Variants in ARHGAP15 observed in about 807,000 individuals in gnomAD.
ARHGAP15 encodes the protein rho GTPase-activating protein 15.
A neutral mutation model predicts 63.7 loss-of-function variants in ARHGAP15; 51 were observed. The observed-to-expected ratio is 0.80, with a 90% CI of 0.64 to 1.01. The LOEUF is 1.01. ARHGAP15 is among the 50% of genes least tolerant of loss of function. ARHGAP15 has a pLI of 0.00. For missense variants in ARHGAP15, 560 were observed against 564.6 expected (o/e 0.99, Z 0.08); for synonymous variants, 191 against 193.8 (o/e 0.99, Z 0.12).
intron 8 of ARHGAP15, among the ~76,000 whole-genome samples, chr2:143,449,314 T>C (rs1321531290): frequency 6.6e-6 from 1 of 152,124 alleles, no homozygotes; most frequent in East Asian, 1.9e-4. Flanking sequence ...ATTAATTCCC[T>C]GGATAGCTCA....
At chr2:143,382,321 C>T (rs1046275829) in intron 6 of ARHGAP15, among the ~76,000 whole-genome samples, 9 of 152,176 alleles carry the variant, frequency 5.9e-5, no homozygotes, top group Non-Finnish European at 7.3e-5. Context: ...CACGCTCCCA[C>T]TGAAACCTGG....
At position 143,262,535 on chromosome 2, in the gene ARHGAP15, A is replaced by ATTTTTTTTTTTTTTT. The variant is rs67267617; in HGVS notation, c.474+11945_474+11959dup. Among the ~76,000 whole-genome samples, 45 of 90,918 alleles carry ATTTTTTTTTTTTTTT rather than the reference A, an allele frequency of 4.9e-4. 1 individual carries two copies. The highest frequency in any genetic ancestry group is 1.3e-3 in the African/African-American group (28 of 21,336). 59.6% of individuals were successfully genotyped at this position (90,918 alleles called of 152,430 possible). On this transcript the variant is annotated intron_variant, in intron 6 of 13. Coordinates refer to ENST00000295095, the MANE Select transcript of ARHGAP15 (RefSeq NM_018460.4). ...TGTATATGCGGGGTCTGAACCTTTG[A>ATTTTTTTTTTTTTTT]TTTTTTTTTTTTTTTTTTTTTTTTA... is the stretch of plus-strand genomic sequence containing the variant.
intron 12 of ARHGAP15, among the ~76,000 whole-genome samples, chr2:143,633,951 G>T (rs1322428310): frequency 1.3e-5 from 2 of 152,028 alleles, no homozygotes; most frequent in Non-Finnish European, 2.9e-5. Flanking sequence ...TAGGAGAATG[G>T]TCTCTCCTAT....
intron 11 of ARHGAP15, among the ~76,000 whole-genome samples, chr2:143,577,739 A>T (rs963898602): frequency 6.6e-5 from 10 of 152,146 alleles, no homozygotes; most frequent in Non-Finnish European, 1.3e-4. Flanking sequence ...GTGGCTAAGG[A>T]AATAGAATGG....
At chr2:143,497,722 C>T (rs1027257831) in intron 9 of ARHGAP15, among the ~76,000 whole-genome samples, 6 of 152,146 alleles carry the variant, frequency 3.9e-5, no homozygotes, top group Admixed American at 3.9e-4. Context: ...AGGTGGATAA[C>T]TGAGGGAGAA....
At chr2:143,376,123 T>G (rs1040141487) in intron 6 of ARHGAP15, among the ~76,000 whole-genome samples, 1 of 152,196 alleles carries the variant, frequency 6.6e-6, no homozygotes, top group African/African-American at 2.4e-5. Flanking sequence ...TTCTCAACAT[T>G]ACAGATATAT....
intron 11 of ARHGAP15, among the ~76,000 whole-genome samples, chr2:143,561,819 T>C (rs1696042030): frequency 6.6e-6 from 1 of 152,172 alleles, no homozygotes; most frequent in African/African-American, 2.4e-5. Flanking sequence ...TTTTCATTTA[T>C]AGAAACAAAA....
intron 2 of ARHGAP15, among the ~76,000 whole-genome samples, chr2:143,171,473 A>G (rs1558791806): frequency 6.6e-6 from 1 of 152,114 alleles, no homozygotes; most frequent in Admixed American, 6.6e-5. Flanking sequence ...AGTAACCACA[A>G]TTATATTGCT....
At chr2:143,544,867 A>T (rs556092148) in intron 10 of ARHGAP15, among the ~76,000 whole-genome samples, 10 of 152,334 alleles carry the variant, frequency 6.6e-5, no homozygotes, top group African/African-American at 2.2e-4. Context: ...AGTATTAGTA[A>T]TATCCACTAC....
intron 1 of ARHGAP15, among the ~76,000 whole-genome samples, chr2:143,132,698 G>A (rs1688959083): frequency 2.0e-5 from 3 of 152,202 alleles, no homozygotes; most frequent in Admixed American, 2.0e-4. Flanking sequence ...GTCTCCTGAT[G>A]TAGAAATTAA....
At chr2:143,750,519 G>C (rs1249380749) in intron 13 of ARHGAP15, among the ~76,000 whole-genome samples, 1 of 152,180 alleles carries the variant, frequency 6.6e-6, no homozygotes, top group East Asian at 1.9e-4. Flanking sequence ...AACAACCTAT[G>C]AGATCAGTTT....
chr2:143,712,799 G>C (rs1684638718), intron 13 of ARHGAP15, among the ~76,000 whole-genome samples: 1 of 81,602 alleles, frequency 1.2e-5, no homozygotes, highest in African/African-American at 4.6e-5. Context: ...TCACCCTTCA[G>C]CTTTAAAAAA....
At position 143,373,965 on chromosome 2, in the gene ARHGAP15, A is replaced by G. The variant is rs546074635; in HGVS notation, c.475-61636A>G. Reference sequence around the variant, plus strand: ...GTGGACCTAGCAAACCTGCAAAACCATTTTCCTGAGGCTAAACTGTTTTCA... The same window carrying G: ...GTGGACCTAGCAAACCTGCAAAACCGTTTTCCTGAGGCTAAACTGTTTTCA... On this transcript the variant is annotated intron_variant, in intron 6 of 13. Coordinates refer to ENST00000295095, the MANE Select transcript of ARHGAP15 (RefSeq NM_018460.4). Among the ~76,000 whole-genome samples the G allele has an allele frequency of 2.0e-5, 3 of 152,282 alleles. No homozygotes were observed. In the South Asian group the frequency reaches 6.2e-4, roughly 32 times the overall value.
At chr2:143,713,368 A>G (rs1303868752) in intron 13 of ARHGAP15, among the ~76,000 whole-genome samples, 2 of 152,156 alleles carry the variant, frequency 1.3e-5, no homozygotes, top group Non-Finnish European at 2.9e-5. Context: ...CCATGATCCA[A>G]TTACCTCCCG....
At chr2:143,645,670 G>A (rs1206274859) in intron 12 of ARHGAP15, among the ~76,000 whole-genome samples, 1 of 151,896 alleles carries the variant, frequency 6.6e-6, no homozygotes, top group Non-Finnish European at 1.5e-5. Flanking sequence ...TCTTTTGAAT[G>A]GTAGGGAACA....
At chr2:143,306,556 C>A (rs1446284936) in intron 6 of ARHGAP15, among the ~76,000 whole-genome samples, 1 of 152,054 alleles carries the variant, frequency 6.6e-6, no homozygotes, top group Non-Finnish European at 1.5e-5. Context: ...TTGCACAGTG[C>A]CTGGCAAACA....
chr2:143,573,122 G>C (rs769197782), intron 11 of ARHGAP15, among the ~76,000 whole-genome samples: 5 of 152,092 alleles, frequency 3.3e-5, no homozygotes, highest in Non-Finnish European at 7.4e-5. Flanking sequence ...GTCTGTAACT[G>C]GTATTAATGA....
chr2:143,737,537 T>G (rs1356556340), intron 13 of ARHGAP15, among the ~76,000 whole-genome samples: 1 of 152,086 alleles, frequency 6.6e-6, no homozygotes, highest in Non-Finnish European at 1.5e-5. Flanking sequence ...TTAAATTCAT[T>G]CCTAAGAAGA....
chr2:143,448,953 C>T (rs1305960174), intron 8 of ARHGAP15, among the ~76,000 whole-genome samples: 1 of 152,020 alleles, frequency 6.6e-6, no homozygotes, highest in African/African-American at 2.4e-5. Flanking sequence ...AAAAGACCTA[C>T]TCATATAAAA....
Sources: gnomAD v4.1 joint callset for allele counts (sites outside exome capture counted in the v4.1 genomes callset) on GRCh38, gnomAD v4.1.1 for gene constraint, MANE v1.5 for transcripts, NCBI Gene and HGNC (gene_info 2026-07-23, HGNC 2026-07-21) for gene names.